The following BLTP1 variants were observed in gnomAD, a reference collection of about 807,000 sequenced individuals.
The protein encoded by BLTP1 is bridge-like lipid transfer protein family member 1.
chr4:122,176,591 T>C, the BLTP1 span, among the ~76,000 whole-genome samples: 790 of 152,270 alleles, frequency 5.2e-3, 11 homozygotes, highest in African/African-American at 0.017. Context: ...CTTCATAGTA[T>C]CTTTCATATA....
At chr4:122,206,046 AG>A in the BLTP1 span, 1 of 983,676 alleles carries the variant, frequency 1.0e-6, no homozygotes, top group Non-Finnish European at 1.2e-6. Context: ...AAAAACTTAA[AG>A]TACCAAAGGG....
the BLTP1 span, chr4:122,259,849 A>T: frequency 1.5e-6 from 1 of 655,210 alleles, no homozygotes; most frequent in Non-Finnish European, 1.9e-6. Context: ...ACAGAGCGAG[A>T]CGCCATCTCA....
chr4:122,181,343 T>C, the BLTP1 span: 1 of 366,904 alleles, frequency 2.7e-6, no homozygotes, highest in South Asian at 1.1e-4. Context: ...GATAGAGCAA[T>C]TCAAAAACTT....
the BLTP1 span, chr4:122,209,816 A>G: frequency 1.2e-6 from 2 of 1,613,042 alleles, no homozygotes; most frequent in Admixed American, 3.3e-5. Context: ...TACTCTTCAA[A>G]GGTCTGGTTG....
chr4:122,343,799 A>G, the BLTP1 span: 1 of 452,190 alleles, frequency 2.2e-6, no homozygotes, highest in Non-Finnish European at 2.9e-6. Context: ...TGAATTAATT[A>G]TACAAGAATT....
At chr4:122,239,644 C>T in the BLTP1 span, 2 of 1,614,130 alleles carry the variant, frequency 1.2e-6, no homozygotes, top group Admixed American at 3.3e-5. Context: ...CTTGGAAGTA[C>T]TAAGAGTCTT....
the BLTP1 span, chr4:122,156,177 G>A: frequency 4.2e-3 from 650 of 154,398 alleles, 4 homozygotes; most frequent in South Asian, 0.01. Flanking sequence ...AATGTCATTA[G>A]TGAGTTGTAT....
the BLTP1 span, chr4:122,336,900 A>C: frequency 6.2e-7 from 1 of 1,603,876 alleles, no homozygotes; most frequent in South Asian, 1.1e-5. Flanking sequence ...CACAAGATGA[A>C]GATATGGGAC....
chr4:122,203,160 A>C, the BLTP1 span, among the ~76,000 whole-genome samples: 1 of 151,972 alleles, frequency 6.6e-6, no homozygotes, highest in Non-Finnish European at 1.5e-5. Flanking sequence ...AATTCTATAG[A>C]AAAGAAATTA....
chr4:122,298,914 A>G, the BLTP1 span: 1 of 985,416 alleles, frequency 1.0e-6, no homozygotes, highest in Non-Finnish European at 1.2e-6. Context: ...GAGGAAAATT[A>G]TAAAGACTTG....
At chr4:122,361,761 A>G in the BLTP1 span, among the ~76,000 whole-genome samples, 2 of 152,238 alleles carry the variant, frequency 1.3e-5, no homozygotes. Flanking sequence ...AGATAACTGT[A>G]TAACAGGCCT....
the BLTP1 span, chr4:122,279,898 T>A: frequency 6.2e-7 from 1 of 1,614,038 alleles, no homozygotes. Flanking sequence ...CTCAGCACCC[T>A]GCCACCTTAC....
chr4:122,302,492 A>T, the BLTP1 span, among the ~76,000 whole-genome samples: 6 of 152,172 alleles, frequency 3.9e-5, no homozygotes, highest in Admixed American at 2.0e-4. Flanking sequence ...GAAATCTTTG[A>T]TGTTGCTGCG....
At chr4:122,294,301 A>G in the BLTP1 span, among the ~76,000 whole-genome samples, 22,981 of 152,180 alleles carry the variant, frequency 0.15, 2,214 homozygotes, top group Middle Eastern at 0.3. Context: ...ATTCTGCCCA[A>G]CTGGATGAGA....
chr4:122,254,413 G>T, the BLTP1 span: 1 of 1,386,784 alleles, frequency 7.2e-7, no homozygotes, highest in South Asian at 1.3e-5. Flanking sequence ...ATACAATTCT[G>T]TTTCATATTT....
At chr4:122,348,738 G>A in the BLTP1 span, 1 of 1,476,382 alleles carries the variant, frequency 6.8e-7, no homozygotes, top group Non-Finnish European at 9.2e-7. Flanking sequence ...CAGATACAAA[G>A]GAAATGTATT....
chr4:122,294,704 G>C, the BLTP1 span, among the ~76,000 whole-genome samples: 2 of 152,340 alleles, frequency 1.3e-5, no homozygotes, highest in East Asian at 3.9e-4. Context: ...CAGAGTGTCT[G>C]TTCTCTCCCA....
the BLTP1 span, among the ~76,000 whole-genome samples, chr4:122,268,140 A>G: frequency 6.6e-6 from 1 of 152,188 alleles, no homozygotes; most frequent in Admixed American, 6.5e-5. Flanking sequence ...CAGTATTTGT[A>G]AAAACATTAA....
At chr4:122,246,822 TTTATTA>T in the BLTP1 span, 6 of 1,609,986 alleles carry the variant, frequency 3.7e-6, no homozygotes, top group Admixed American at 8.4e-5. Flanking sequence ...TAAGAAATAC[TTTATTA>T]ATCTGAGCCA....
Sources: allele counts gnomAD v4.1 joint callset (sites outside exome capture counted in the v4.1 genomes callset), GRCh38; gene constraint gnomAD v4.1.1; transcripts MANE v1.5; gene names NCBI Gene and HGNC (gene_info 2026-07-23, HGNC 2026-07-21).